The following SHISAL2B variants were observed in gnomAD, a reference collection of about 807,000 sequenced individuals.
The protein encoded by SHISAL2B is shisa like 2B.
In SHISAL2B, 12 loss-of-function variants were observed where a neutral mutation model predicts 16.5. The observed-to-expected ratio is 0.73, with a 90% CI of 0.47 to 1.18. The LOEUF (loss-of-function observed/expected upper bound fraction) is 1.18, where lower values mean the gene tolerates loss of function less well. Ranked by LOEUF, SHISAL2B falls within the 50% of genes most tolerant of loss-of-function variation. The probability of loss-of-function intolerance (pLI) is 0.00; values close to 1 mark genes in which losing one functional copy is unlikely to be tolerated. For synonymous variants in SHISAL2B, 72 were observed against 75.0 expected (o/e 0.96, Z 0.21); for missense variants, 183 against 193.6 (o/e 0.95, Z 0.33).
At chr5:64,707,624 C>T (rs1004022984) in intron 2 of SHISAL2B, among the ~76,000 whole-genome samples, 1 of 152,158 alleles carries the variant, frequency 6.6e-6, no homozygotes, top group African/African-American at 2.4e-5. Context: ...TAAGAAAACT[C>T]ACAAATAGTT....
intron 2 of SHISAL2B, among the ~76,000 whole-genome samples, chr5:64,702,776 T>C (rs1741827732): frequency 6.6e-6 from 1 of 152,122 alleles, no homozygotes; most frequent in Admixed American, 6.5e-5. Context: ...TAGAGATCTG[T>C]CTTTTTTATT....
rs1373451447 is a variant in SHISAL2B, at chr5:64,690,748, TC to T, written c.126del (p.Lys43SerfsTer26). The T allele has an allele frequency of 6.5e-7, 1 of 1,542,350 alleles. No homozygotes were observed. Among genetic ancestry groups the T allele is most frequent in the African/African-American group, 1.4e-5 (1 of 73,120 alleles). ...CAGTATTGCTGCGGCTTCGCCGACCTCAAGTACTGCTGCAGCGAGCCGGGCA... is the reference window on the plus strand; with the variant it reads ...CAGTATTGCTGCGGCTTCGCCGACCTAAGTACTGCTGCAGCGAGCCGGGCA... ...ALQYCCGFAD[L>X]KYCCSEPGSY... On this transcript the variant is annotated frameshift_variant, in exon 1 of 3. Transcript: ENST00000389074. LOFTEE classifies it high-confidence loss of function.
intron 2 of SHISAL2B, among the ~76,000 whole-genome samples, chr5:64,714,704 T>C (rs574252485): frequency 5.9e-5 from 9 of 152,276 alleles, no homozygotes; most frequent in African/African-American, 1.9e-4. Context: ...TCCGTGGGCG[T>C]AGGACCCTCT....
At chr5:64,690,848 C>T (rs961958768) in intron 1 of SHISAL2B, 34 bp downstream of exon 1, 2 of 1,470,952 alleles carry the variant, frequency 1.4e-6, no homozygotes, top group Non-Finnish European at 9.0e-7. Context: ...GGCGGCTGGC[C>T]GAGCCCGGGG....
At chr5:64,698,359 A>G (rs275832) in intron 2 of SHISAL2B, among the ~76,000 whole-genome samples, 95,118 of 152,058 alleles carry the variant, frequency 0.63, 31,619 homozygotes, top group African/African-American at 0.87. Flanking sequence ...CTCTTTCAAT[A>G]GAGAAAACAG....
intron 1 of SHISAL2B, among the ~76,000 whole-genome samples, chr5:64,692,944 T>C (rs1430025622): frequency 1.3e-5 from 2 of 152,152 alleles, no homozygotes; most frequent in Non-Finnish European, 2.9e-5. Flanking sequence ...TTTAGGAGTC[T>C]CCTGGAGCTC....
chr5:64,717,426 CATATTT>C (rs1742072779), intron 2 of SHISAL2B, among the ~76,000 whole-genome samples: 1 of 152,138 alleles, frequency 6.6e-6, no homozygotes, highest in African/African-American at 2.4e-5. Flanking sequence ...ATTTTGGACT[CATATTT>C]ATATGGAGTG....
chr5:64,713,023 AATTTAGTCCATTTAC>A (rs1741981578), intron 2 of SHISAL2B, among the ~76,000 whole-genome samples: 1 of 151,666 alleles, frequency 6.6e-6, no homozygotes, highest in Non-Finnish European at 1.5e-5. Flanking sequence ...TTAATTGGAG[AATTTAGTCCATTTAC>A]ATTTAAAGTT....
chr5:64,716,911 G>T (rs1561379199), intron 2 of SHISAL2B, among the ~76,000 whole-genome samples: 1 of 152,162 alleles, frequency 6.6e-6, no homozygotes, highest in Non-Finnish European at 1.5e-5. Flanking sequence ...ATGTTGTGCT[G>T]AAAACAGAAT....
In SHISAL2B at chr5:64,718,077, G is replaced by C; in HGVS notation, c.*55G>C. The stretch of plus-strand genomic sequence containing the variant: ...GGAGAGATGGGACAATAAAAATAAA[G>C]CGTGCACTTGAAACGGTTTGTAATA... On this transcript the variant is annotated 3_prime_UTR_variant, in exon 3 of 3. Coordinates refer to ENST00000389074, the MANE Select transcript of SHISAL2B (RefSeq NM_001164442.2). The C allele has an allele frequency of 1.4e-6, 2 of 1,397,954 alleles. No homozygotes were observed. The highest frequency in any genetic ancestry group is 1.9e-6 in the Non-Finnish European group (2 of 1,073,928). 86.6% of individuals were successfully genotyped at this position (1,397,954 alleles called of 1,614,324 possible).
At chr5:64,699,919 G>T (rs1741784922) in intron 2 of SHISAL2B, among the ~76,000 whole-genome samples, 1 of 152,176 alleles carries the variant, frequency 6.6e-6, no homozygotes, top group African/African-American at 2.4e-5. Flanking sequence ...AGTGATTGTA[G>T]ACTCTAATTG....
intron 2 of SHISAL2B, among the ~76,000 whole-genome samples, chr5:64,714,869 A>T (rs551748336): frequency 2.0e-5 from 3 of 152,256 alleles, no homozygotes; most frequent in African/African-American, 7.2e-5. Flanking sequence ...TGCGCTTCCC[A>T]GGTGAGGCAA....
chr5:64,715,349 G>A (rs527648560), intron 2 of SHISAL2B, among the ~76,000 whole-genome samples: 11 of 152,114 alleles, frequency 7.2e-5, no homozygotes, highest in African/African-American at 2.6e-4. Context: ...AAAAGAAGAG[G>A]ATGTACAGTA....
At chr5:64,701,982 C>G (rs1406558283) in intron 2 of SHISAL2B, among the ~76,000 whole-genome samples, 1 of 152,034 alleles carries the variant, frequency 6.6e-6, no homozygotes, top group Non-Finnish European at 1.5e-5. Flanking sequence ...GAGAAACAAA[C>G]AAATAAATCT....
intron 2 of SHISAL2B, among the ~76,000 whole-genome samples, chr5:64,709,706 C>T (rs879512376): frequency 5.3e-4 from 79 of 149,170 alleles, no homozygotes; most frequent in Non-Finnish European, 8.9e-4. Flanking sequence ...CCTGTTGTTT[C>T]CTGACTTTTT....
intron 2 of SHISAL2B, among the ~76,000 whole-genome samples, chr5:64,713,047 T>A (rs1284582193): frequency 6.6e-6 from 1 of 151,528 alleles, no homozygotes; most frequent in Non-Finnish European, 1.5e-5. Flanking sequence ...ACATTTAAAG[T>A]TAATATTGTT....
chr5:64,708,858 CTTATT>C (rs1475685122), intron 2 of SHISAL2B, among the ~76,000 whole-genome samples: 1 of 151,978 alleles, frequency 6.6e-6, no homozygotes, highest in Non-Finnish European at 1.5e-5. Flanking sequence ...TATTAAGTAA[CTTATT>C]TTACTACCAA....
At chr5:64,693,542 T>G (rs560129240) in intron 1 of SHISAL2B, among the ~76,000 whole-genome samples, 1 of 152,330 alleles carries the variant, frequency 6.6e-6, no homozygotes, top group South Asian at 2.1e-4. Flanking sequence ...ACCTTGAAGA[T>G]TTTTTAATCA....
At chr5:64,704,407 A>G (rs141011548) in intron 2 of SHISAL2B, among the ~76,000 whole-genome samples, 83 of 152,382 alleles carry the variant, frequency 5.4e-4, no homozygotes, top group African/African-American at 2.0e-3. Context: ...TTGGATTTAA[A>G]TTTTGGCAAA....
Sources: allele counts gnomAD v4.1 joint callset (sites outside exome capture counted in the v4.1 genomes callset), GRCh38; gene constraint gnomAD v4.1.1; transcripts MANE v1.5; gene names NCBI Gene and HGNC (gene_info 2026-07-23, HGNC 2026-07-21).